GNA12: variants seen among roughly 807,000 people sequenced by gnomAD.
The protein encoded by GNA12 is guanine nucleotide-binding protein subunit alpha-12.
GNA12 carries 9 observed loss-of-function variants against 26.0 expected under a neutral mutation model. The observed-to-expected ratio is 0.35, with a 90% CI of 0.21 to 0.60. GNA12 has a LOEUF of 0.60. Ranked by LOEUF, GNA12 falls within the 20% of genes least tolerant of loss-of-function variation. GNA12 has a pLI of 0.78. For missense variants in GNA12, 405 were observed against 525.8 expected, an observed-to-expected ratio of 0.77 and a Z score of 2.25; for synonymous variants, 264 against 219.6, an observed-to-expected ratio of 1.20 and a Z score of -1.79.
At chr7:2,805,602 G>A (rs1198601492) in intron 1 of GNA12, among the ~76,000 whole-genome samples, 3 of 152,336 alleles carry the variant, frequency 2.0e-5, no homozygotes, top group Non-Finnish European at 2.9e-5. Context: ...CTGGGCTGCC[G>A]CCTGCTCTCA....
At chr7:2,801,482 T>C (rs2255782) in intron 1 of GNA12, among the ~76,000 whole-genome samples, 89,927 of 151,980 alleles carry the variant, frequency 0.59, 26,847 homozygotes, top group Admixed American at 0.63. Context: ...CACGCAAAAC[T>C]GGCCCATGCA....
intron 2 of GNA12, among the ~76,000 whole-genome samples, chr7:2,759,316 G>A (rs774787084): frequency 5.3e-5 from 8 of 152,178 alleles, no homozygotes; most frequent in African/African-American, 7.2e-5. Context: ...AGCGCTAGCT[G>A]TAAGAACTCA....
chr7:2,735,273 G>A (rs956701206), intron 2 of GNA12, among the ~76,000 whole-genome samples: 1 of 152,140 alleles, frequency 6.6e-6, no homozygotes, highest in African/African-American at 2.4e-5. Flanking sequence ...CCAGGGAGCT[G>A]AGAGTAGCAG....
chr7:2,736,662 G>A (rs906994212), intron 2 of GNA12, among the ~76,000 whole-genome samples: 3 of 152,202 alleles, frequency 2.0e-5, no homozygotes, highest in Non-Finnish European at 4.4e-5. Context: ...TGAGGAGACC[G>A]CCTTTCTGCA....
chr7:2,816,310 G>A (rs1254825040), intron 1 of GNA12, among the ~76,000 whole-genome samples: 2 of 151,492 alleles, frequency 1.3e-5, no homozygotes, highest in Admixed American at 6.6e-5. Flanking sequence ...GGCTCACTGC[G>A]ACCACCACCT....
chr7:2,743,355 A>G (rs1475124346), intron 2 of GNA12, among the ~76,000 whole-genome samples: 1 of 152,228 alleles, frequency 6.6e-6, no homozygotes, highest in East Asian at 1.9e-4. Flanking sequence ...CATCCATAAT[A>G]CCCAAGATAT....
At position 2,844,110 on chromosome 7, in the gene GNA12, C is replaced by T; in HGVS notation, c.52G>A (p.Gly18Ser). The T allele has an allele frequency of 2.0e-6, 2 of 991,772 alleles. No individual in the cohort carries two copies. The highest frequency in any genetic ancestry group is 2.4e-6 in the Non-Finnish European group (2 of 835,988). The allele number at this position is 991,772 out of a possible 1,614,324, so 61.4% of individuals were successfully genotyped here. A position where few individuals can be genotyped will look rare whatever the true frequency, so the allele number is the denominator to read the frequency against. The change falls in exon 1 of 4, where the codon GGC becomes AGC. Residue 18 changes from glycine (G) to serine (S), a missense_variant. Transcript: ENST00000275364. ...CCCGCCCTGCGCTCGCGGGCCCCGC[C>T]GGCCTCGGCCGGCAGCAGGCAGCGG... ...LSRCLLPAEA[G>S]GARERRAGSG... is the part of the protein sequence containing the mutation.
intron 1 of GNA12, among the ~76,000 whole-genome samples, chr7:2,825,116 A>G (rs2114966913): frequency 6.6e-6 from 1 of 152,340 alleles, no homozygotes; most frequent in East Asian, 1.9e-4. Flanking sequence ...ACAACAATTT[A>G]CATCCTAAAT....
chr7:2,819,835 T>C (rs1377032010), intron 1 of GNA12, among the ~76,000 whole-genome samples: 1 of 152,120 alleles, frequency 6.6e-6, no homozygotes, highest in East Asian at 1.9e-4. Context: ...CTCGTCAAAA[T>C]GTTAAACATA....
At chr7:2,794,867 C>A in intron 2 of GNA12, 61 bp downstream of exon 2, 2 of 1,193,656 alleles carry the variant, frequency 1.7e-6, no homozygotes, top group Admixed American at 1.7e-5. Context: ...AACTAACGGT[C>A]CAAAATAGTC....
At chr7:2,824,851 C>T (rs140149678) in intron 1 of GNA12, among the ~76,000 whole-genome samples, 1 of 152,196 alleles carries the variant, frequency 6.6e-6, no homozygotes, top group Non-Finnish European at 1.5e-5. Flanking sequence ...TAGGAGCTCA[C>T]AGACCTCCCA....
At chr7:2,839,887 T>C (rs1369898795) in intron 1 of GNA12, among the ~76,000 whole-genome samples, 2 of 152,086 alleles carry the variant, frequency 1.3e-5, no homozygotes, top group Non-Finnish European at 2.9e-5. Flanking sequence ...TAATCCCAGC[T>C]ACCTGGGAGG....
chr7:2,781,481 T>C (rs912945933), intron 2 of GNA12, among the ~76,000 whole-genome samples: 5 of 150,830 alleles, frequency 3.3e-5, no homozygotes, highest in African/African-American at 9.7e-5. Context: ...TTATGTGGTT[T>C]GACTACTCTA....
At chr7:2,814,431 G>A in intron 1 of GNA12, 1 of 1,068,610 alleles carries the variant, frequency 9.4e-7, no homozygotes. Context: ...CTGAATTAAA[G>A]ACAATTAGAG....
chr7:2,809,102 T>G (rs1793016956), intron 1 of GNA12, among the ~76,000 whole-genome samples: 1 of 152,114 alleles, frequency 6.6e-6, no homozygotes. Flanking sequence ...TCGCTTTACT[T>G]CCTTGACCAC....
chr7:2,763,804 C>T (rs1466012196), intron 2 of GNA12, among the ~76,000 whole-genome samples: 1 of 152,210 alleles, frequency 6.6e-6, no homozygotes, highest in Non-Finnish European at 1.5e-5. Context: ...GCTCCCTGGG[C>T]AGGCGAGGCC....
intron 1 of GNA12, among the ~76,000 whole-genome samples, chr7:2,808,696 C>A (rs577474168): frequency 6.6e-6 from 1 of 152,288 alleles, no homozygotes; most frequent in East Asian, 1.9e-4. Context: ...TCACTTGGGT[C>A]CGGCCACCAC....
At chr7:2,737,077 T>C (rs1009028481) in intron 2 of GNA12, among the ~76,000 whole-genome samples, 5 of 152,086 alleles carry the variant, frequency 3.3e-5, no homozygotes, top group Non-Finnish European at 4.4e-5. Flanking sequence ...AGACAGCCCA[T>C]GTGTGGGTCC....
intron 1 of GNA12, among the ~76,000 whole-genome samples, chr7:2,838,301 C>T (rs1562452385): frequency 1.3e-5 from 2 of 149,568 alleles, no homozygotes; most frequent in African/African-American, 4.9e-5. Flanking sequence ...AAAAATCAGC[C>T]AGGGAGGATC....
Sources: gnomAD v4.1 joint callset for allele counts (sites outside exome capture counted in the v4.1 genomes callset) on GRCh38, gnomAD v4.1.1 for gene constraint, MANE v1.5 for transcripts, NCBI Gene and HGNC (gene_info 2026-07-23, HGNC 2026-07-21) for gene names.